The following CDC40 variants were observed in gnomAD, a reference collection of about 807,000 sequenced individuals.
CDC40 encodes cell division cycle 40.
In CDC40, 27 loss-of-function variants were observed where a neutral mutation model predicts 80.6. The observed-to-expected ratio is 0.33, with a 90% CI of 0.25 to 0.46. The LOEUF (loss-of-function observed/expected upper bound fraction) is 0.46, where lower values mean the gene tolerates loss of function less well. Ranked by LOEUF, CDC40 falls within the 20% of genes least tolerant of loss-of-function variation. CDC40 has a pLI of 1.00. For missense variants in CDC40, 486 were observed against 694.1 expected, an observed-to-expected ratio of 0.70 and a Z score of 3.37; for synonymous variants, 221 against 232.6, an observed-to-expected ratio of 0.95 and a Z score of 0.45.
chr6:110,217,712 G>T lies in CDC40; in HGVS notation c.999G>T (p.Lys333Asn). 1 of 1,563,838 alleles carries T rather than the reference G, an allele frequency of 6.4e-7. No homozygotes were observed. The highest frequency in any genetic ancestry group is 8.8e-7 in the Non-Finnish European group (1 of 1,134,422). The change falls in exon 10 of 15, where the codon AAG becomes AAT. Residue 333 changes from lysine (K) to asparagine (N), a missense_variant. Around this residue, in one of 3 missense-constraint regions of CDC40, gnomAD observed 381 missense variants for 492.1 expected, o/e 0.77. Transcript: ENST00000307731. The part of the protein sequence containing the change: ...RCLRTFIGHS[K>N]AVRDICFNTA... ...TGACTCCACCTTTAGGTCACAGTAAGGCTGTTAGGGATATCTGCTTCAATA... is the reference window on the plus strand; with the variant it reads ...TGACTCCACCTTTAGGTCACAGTAATGCTGTTAGGGATATCTGCTTCAATA...
chr6:110,181,607 A>C (rs538041148), intron 1 of CDC40, among the ~76,000 whole-genome samples: 1 of 152,342 alleles, frequency 6.6e-6, no homozygotes, highest in East Asian at 1.9e-4. Flanking sequence ...GAATGCTTAG[A>C]ATCCTCCTAA....
Position 110,219,798 on chromosome 6 carries a change from C to A in CDC40, c.1269C>A (p.Thr423=). The A allele has an allele frequency of 6.2e-7, 1 of 1,613,916 alleles. No homozygotes were observed. Among genetic ancestry groups the A allele is most frequent in the South Asian group, 1.1e-5 (1 of 91,086 alleles). Reference sequence around the variant, plus strand: ...ATCGGCATTTGGGAGCTGTCAACACCATTGTTTTTGTGGATGAGAATAGGA... The same window carrying A: ...ATCGGCATTTGGGAGCTGTCAACACAATTGTTTTTGTGGATGAGAATAGGA... The part of the protein sequence containing the change: ...EYDRHLGAVN[T]IVFVDENRRF... Residue 423 remains threonine (T), a synonymous_variant, in exon 12 of 15, where the codon ACC becomes ACA. Transcript: ENST00000307731.
rs193164967 is a variant in CDC40, at chr6:110,222,417, C to T, written c.1340+2548C>T. On this transcript the variant is annotated intron_variant, in intron 12 of 14. Transcript: ENST00000307731. ...ACTAAAAATACAAAAATTAGCTGGG[C>T]GTGGTGGCAGGCGCGTGTAATCCCA... Among the ~76,000 whole-genome samples the T allele has an allele frequency of 6.6e-3, 1,001 of 151,172 alleles. 20 individuals carry two copies. Among genetic ancestry groups the T allele is most frequent in the Non-Finnish European group, 6.5e-3 (443 of 67,794 alleles).
intron 12 of CDC40, 140 bp from the exon 13 acceptor site, chr6:110,226,027 A>G: frequency 5.1e-6 from 3 of 591,358 alleles, no homozygotes; most frequent in Non-Finnish European, 8.9e-6. Context: ...TTCTTCTTCC[A>G]GAAAGTTTCA....
intron 5 of CDC40, among the ~76,000 whole-genome samples, chr6:110,210,415 T>C (rs568367875): frequency 2.0e-5 from 3 of 151,274 alleles, no homozygotes; most frequent in South Asian, 4.2e-4. Context: ...CCAGGCGTGG[T>C]AGTGTGCACC....
Position 110,230,226 on chromosome 6 carries a change from GATA to G in CDC40, c.*98_*100del. On this transcript the variant is annotated 3_prime_UTR_variant, in exon 15 of 15. Coordinates refer to ENST00000307731, the MANE Select transcript of CDC40 (RefSeq NM_015891.3). ...GTATCTGATGATAACTTGATTTACA[GATA>G]ATGTTGATGACATTGACCCTTTGTT... 1.2e-5 allele frequency: 9 copies of G among 750,534 alleles called. No homozygotes were observed. Among genetic ancestry groups the G allele is most frequent in the South Asian group, 3.8e-5 (2 of 52,326 alleles). The allele number at this position is 750,534 out of a possible 1,614,324, so 46.5% of individuals were successfully genotyped here.
At chr6:110,225,224 A>G (rs2114673525) in intron 12 of CDC40, among the ~76,000 whole-genome samples, 1 of 152,330 alleles carries the variant, frequency 6.6e-6, no homozygotes, top group South Asian at 2.1e-4. Flanking sequence ...GGAACTTGAA[A>G]CAGGGTTTGA....
intron 1 of CDC40, among the ~76,000 whole-genome samples, chr6:110,186,326 A>G (rs917962267): frequency 6.6e-6 from 1 of 151,952 alleles, no homozygotes; most frequent in Non-Finnish European, 1.5e-5. Flanking sequence ...CTGTCTCTAG[A>G]AAAAATACAA....
intron 9 of CDC40, among the ~76,000 whole-genome samples, chr6:110,217,000 G>A (rs975170961): frequency 6.6e-6 from 1 of 152,100 alleles, no homozygotes; most frequent in Non-Finnish European, 1.5e-5. Flanking sequence ...CCAGCTACTC[G>A]AAAAGCTGAG....
At position 110,209,178 on chromosome 6, in the gene CDC40, A is replaced by T. The variant is rs1482212210; in HGVS notation, c.585A>T (p.Pro195=). The change falls in exon 5 of 15, where the codon CCA becomes CCT. Residue 195 remains proline, a synonymous_variant. Coordinates refer to ENST00000307731, the MANE Select transcript of CDC40 (RefSeq NM_015891.3). ...CCAATATTGATGGTTTTTTGGGACC[A>T]TGGGCAAAATATGTGGATGAAAAAG... ...DASNIDGFLG[P]WAKYVDEKDV... 1 of 1,612,642 alleles carries T rather than the reference A, an allele frequency of 6.2e-7. No homozygotes were observed. The highest frequency in any genetic ancestry group is 8.5e-7 in the Non-Finnish European group (1 of 1,179,016).
At chr6:110,228,762 T>C in intron 13 of CDC40, 70 bp from the exon 14 acceptor site, 1 of 1,180,256 alleles carries the variant, frequency 8.5e-7, no homozygotes, top group Non-Finnish European at 1.2e-6. Context: ...ACAGTGAACA[T>C]ATTTAAAATA....
At chr6:110,223,183 C>A (rs1777801092) in intron 12 of CDC40, among the ~76,000 whole-genome samples, 1 of 152,138 alleles carries the variant, frequency 6.6e-6, no homozygotes, top group East Asian at 1.9e-4. Context: ...CTCCTGGGCT[C>A]AAGCGATCGT....
At chr6:110,206,231 C>G (rs532348530) in intron 3 of CDC40, among the ~76,000 whole-genome samples, 1 of 152,046 alleles carries the variant, frequency 6.6e-6, no homozygotes. Flanking sequence ...TACACCTCCC[C>G]GGTTCACACC....
At chr6:110,214,890 T>C (rs1439628861) in intron 8 of CDC40, among the ~76,000 whole-genome samples, 1 of 152,180 alleles carries the variant, frequency 6.6e-6, no homozygotes, top group African/African-American at 2.4e-5. Flanking sequence ...ACATGGCAGT[T>C]TTAATAACAA....
intron 12 of CDC40, among the ~76,000 whole-genome samples, chr6:110,221,988 G>A (rs1366217333): frequency 6.6e-6 from 1 of 152,036 alleles, no homozygotes; most frequent in African/African-American, 2.4e-5. Context: ...GGGTGCAGTG[G>A]CTGATGCCTG....
Position 110,232,057 on chromosome 6 carries a change from C to T in CDC40, c.*1926C>T, listed in dbSNP as rs376505706. Reference sequence around the variant, plus strand: ...ATGTGAAGGGACAAAAAGAATCATACATTTAAACTGTCTTGTTCAGCATAC... The same window carrying T: ...ATGTGAAGGGACAAAAAGAATCATATATTTAAACTGTCTTGTTCAGCATAC... On this transcript the variant is annotated 3_prime_UTR_variant, in exon 15 of 15. Transcript: ENST00000307731. The T allele has an allele frequency of 1.3e-5, 2 of 150,222 alleles. No homozygotes were observed. The highest frequency in any genetic ancestry group is 1.5e-5 in the Non-Finnish European group (1 of 67,666). 9.3% of individuals were successfully genotyped at this position (150,222 alleles called of 1,614,324 possible). A position where few individuals can be genotyped will look rare whatever the true frequency, so the allele number is the denominator to read the frequency against.
At chr6:110,224,064 C>T (rs570649387) in intron 12 of CDC40, among the ~76,000 whole-genome samples, 1 of 152,196 alleles carries the variant, frequency 6.6e-6, no homozygotes, top group Admixed American at 6.5e-5. Flanking sequence ...ATCTCTTGAC[C>T]TTGTGATCTA....
At chr6:110,193,473 C>T (rs984810228) in intron 2 of CDC40, among the ~76,000 whole-genome samples, 3 of 151,924 alleles carry the variant, frequency 2.0e-5, no homozygotes, top group Admixed American at 6.6e-5. Flanking sequence ...GGCGCAATCT[C>T]GGCTCACTGC....
chr6:110,223,079 C>T (rs1777798392), intron 12 of CDC40, among the ~76,000 whole-genome samples: 1 of 152,052 alleles, frequency 6.6e-6, no homozygotes, highest in Admixed American at 6.6e-5. Flanking sequence ...GATTCCAAAG[C>T]TTGTTTTTGT....
Sources: allele counts gnomAD v4.1 joint callset (sites outside exome capture counted in the v4.1 genomes callset), GRCh38; gene constraint gnomAD v4.1.1; regional missense constraint gnomAD v4.1.1; transcripts MANE v1.5; gene names NCBI Gene and HGNC (gene_info 2026-07-23, HGNC 2026-07-21).